The following USP4 variants were observed in gnomAD, a reference collection of about 807,000 sequenced individuals.
USP4 encodes the protein ubiquitin carboxyl-terminal hydrolase 4.
Under a neutral mutation model 118.2 loss-of-function variants are expected in USP4, and 72 were observed. The observed-to-expected ratio is 0.61, with a 90% CI of 0.50 to 0.74. The LOEUF (loss-of-function observed/expected upper bound fraction) is 0.74. Ranked by LOEUF, USP4 falls within the 30% of genes least tolerant of loss-of-function variation. The pLI, the probability that USP4 is intolerant of heterozygous loss-of-function variation, is 0.00. For synonymous variants in USP4, 415 were observed against 440.4 expected, an observed-to-expected ratio of 0.94 and a Z score of 0.72; for missense variants, 1,037 against 1,185.7, an observed-to-expected ratio of 0.87 and a Z score of 1.84.
At chr3:49,285,588 C>T (rs960763140) in intron 16 of USP4, among the ~76,000 whole-genome samples, 7 of 152,044 alleles carry the variant, frequency 4.6e-5, no homozygotes, top group Non-Finnish European at 7.4e-5. Flanking sequence ...CTTCTCCTCC[C>T]CTAACTGGCA....
intron 2 of USP4, 44 bp downstream of exon 2, chr3:49,335,425 C>T: frequency 6.2e-7 from 1 of 1,613,684 alleles, no homozygotes; most frequent in Non-Finnish European, 8.5e-7. Context: ...CATCAGGCCA[C>T]TGCCCAGGTG....
intron 10 of USP4, 120 bp downstream of exon 10, chr3:49,302,264 A>C: frequency 4.5e-6 from 5 of 1,106,136 alleles, no homozygotes; most frequent in Non-Finnish European, 6.4e-6. Context: ...ATAACTAGCT[A>C]CAGTGAGAAG....
chr3:49,339,774 G>A (rs1032440736), intron 1 of USP4, 150 bp downstream of exon 1: 2 of 608,444 alleles, frequency 3.3e-6, no homozygotes, highest in African/African-American at 3.8e-5. Context: ...GCTGATCCTG[G>A]AGTTATTCTC....
At chr3:49,297,034 C>A (rs1575605751) in intron 13 of USP4, among the ~76,000 whole-genome samples, 1 of 152,122 alleles carries the variant, frequency 6.6e-6, no homozygotes, top group Non-Finnish European at 1.5e-5. Context: ...AAGTCATAGG[C>A]CCAAAAATGT....
chr3:49,304,237 G>A (rs1283676311), intron 9 of USP4, among the ~76,000 whole-genome samples: 1 of 152,064 alleles, frequency 6.6e-6, no homozygotes, highest in Non-Finnish European at 1.5e-5. Context: ...TCATAAATAT[G>A]CATGTCTTTT....
intron 19 of USP4, among the ~76,000 whole-genome samples, chr3:49,281,238 C>T (rs1410867568): frequency 6.6e-6 from 1 of 151,742 alleles, no homozygotes; most frequent in African/African-American, 2.4e-5. Flanking sequence ...AGGCGGATCA[C>T]GAGATCAGAA....
chr3:49,335,952 C>T (rs1487605636), intron 1 of USP4, among the ~76,000 whole-genome samples: 2 of 152,120 alleles, frequency 1.3e-5, no homozygotes, highest in African/African-American at 2.4e-5. Context: ...CAACCTCTGC[C>T]TCCCAGGTTC....
At chr3:49,336,106 C>T (rs559027269) in intron 1 of USP4, among the ~76,000 whole-genome samples, 6 of 151,120 alleles carry the variant, frequency 4.0e-5, no homozygotes, top group African/African-American at 1.2e-4. Context: ...TCAGGTGATC[C>T]GCCTACTTCG....
intron 15 of USP4, 100 bp from the exon 16 acceptor site, chr3:49,286,425 G>C: frequency 1.6e-6 from 2 of 1,216,648 alleles, no homozygotes; most frequent in African/African-American, 1.5e-5. Flanking sequence ...TCCAGATTTT[G>C]TTCTGTGTAT....
chr3:49,313,038 G>A (rs892223634), intron 6 of USP4, among the ~76,000 whole-genome samples: 35 of 150,770 alleles, frequency 2.3e-4, no homozygotes, highest in East Asian at 8.2e-4. Context: ...CTACAGGCGC[G>A]TGCCACCACA....
chr3:49,287,723 C>T (rs755943305), intron 15 of USP4, among the ~76,000 whole-genome samples: 2 of 152,150 alleles, frequency 1.3e-5, no homozygotes, highest in Non-Finnish European at 2.9e-5. Context: ...TCTGCCCTCT[C>T]GGCCTCCCAA....
At chr3:49,337,239 T>C (rs35567703) in intron 1 of USP4, among the ~76,000 whole-genome samples, 1 of 151,826 alleles carries the variant, frequency 6.6e-6, no homozygotes, top group South Asian at 2.1e-4. Flanking sequence ...GATCATGCCA[T>C]TGCACTCTAG....
chr3:49,323,765 A>G (rs1387814841), intron 6 of USP4, among the ~76,000 whole-genome samples: 2 of 152,188 alleles, frequency 1.3e-5, no homozygotes, highest in African/African-American at 2.4e-5. Context: ...CATTATTCCC[A>G]TAACTACTGG....
intron 2 of USP4, among the ~76,000 whole-genome samples, chr3:49,331,286 C>T (rs1260502824): frequency 6.6e-6 from 1 of 150,952 alleles, no homozygotes; most frequent in Non-Finnish European, 1.5e-5. Flanking sequence ...CACCATTGCA[C>T]TCCAGCCTGG....
intron 13 of USP4, among the ~76,000 whole-genome samples, chr3:49,295,827 G>A (rs1262901166): frequency 6.6e-6 from 1 of 151,966 alleles, no homozygotes; most frequent in Non-Finnish European, 1.5e-5. Context: ...GTGTGCTCTC[G>A]AGTAAATACT....
chr3:49,281,110 C>G (rs1248714668), intron 19 of USP4, among the ~76,000 whole-genome samples: 1 of 151,980 alleles, frequency 6.6e-6, no homozygotes, highest in Non-Finnish European at 1.5e-5. Context: ...CACCTGAGAT[C>G]AGGAGTTCGA....
chr3:49,298,198 G>A (rs1385919241), intron 12 of USP4, among the ~76,000 whole-genome samples: 3 of 152,228 alleles, frequency 2.0e-5, no homozygotes, highest in African/African-American at 4.8e-5. Flanking sequence ...CAGGAAGGGC[G>A]AGGAGTGTGG....
intron 3 of USP4, among the ~76,000 whole-genome samples, 195 bp downstream of exon 3, chr3:49,327,491 G>A (rs2047569222): frequency 6.6e-6 from 1 of 152,084 alleles, no homozygotes. Context: ...AGCCGAGATC[G>A]TGCCGTTGCA....
At chr3:49,296,679 C>T (rs2047213202) in intron 13 of USP4, among the ~76,000 whole-genome samples, 1 of 152,152 alleles carries the variant, frequency 6.6e-6, no homozygotes, top group Admixed American at 6.5e-5. Context: ...ATAAAAATAC[C>T]AGATGCTACT....
Sources: allele counts gnomAD v4.1 joint callset (sites outside exome capture counted in the v4.1 genomes callset), GRCh38; gene constraint gnomAD v4.1.1; transcripts MANE v1.5; gene names NCBI Gene and HGNC (gene_info 2026-07-23, HGNC 2026-07-21).